The following KPNA4 variants were observed in gnomAD, a reference collection of about 807,000 sequenced individuals.
The protein encoded by KPNA4 is karyopherin subunit alpha 4.
KPNA4 carries 13 observed loss-of-function variants against 71.3 expected under a neutral mutation model. The observed-to-expected ratio is 0.18, with a 90% CI of 0.12 to 0.29. KPNA4 has a LOEUF of 0.29. Ranked by LOEUF, KPNA4 falls within the 10% of genes least tolerant of loss-of-function variation. KPNA4 has a pLI of 1.00. For missense variants in KPNA4, 334 were observed against 603.2 expected (o/e 0.55, Z 4.67); for synonymous variants, 189 against 195.2 (o/e 0.97, Z 0.26).
chr3:160,519,073 T>G lies in KPNA4; in HGVS notation c.903+2706A>C, dbSNP rs978825645. On this transcript the variant is annotated intron_variant, in intron 11 of 16. Coordinates refer to ENST00000334256, the MANE Select transcript of KPNA4 (RefSeq NM_002268.5). ...TTTCTAGGCCCCTTATATTTCCATA[T>G]GGATTTTAAGATCTGTTTGTAAAAT... 2.7e-5 allele frequency among the ~76,000 whole-genome samples: 4 copies of G among 148,400 alleles called. No homozygotes were observed. The East Asian group carries it at 5.8e-4, about 22-fold the overall frequency.
intron 1 of KPNA4, among the ~76,000 whole-genome samples, chr3:160,542,723 T>C (rs1721823496): frequency 6.6e-6 from 1 of 152,090 alleles, no homozygotes; most frequent in African/African-American, 2.4e-5. Context: ...TCTTATCTCT[T>C]TAAGAAGTGA....
In KPNA4 at chr3:160,501,286, A is replaced by C. The variant is rs891244667; in HGVS notation, c.*818T>G. ...GGTAAAGTAAATAAAAACTAAAAAAAAAGAAAAGAAAAGCAAAAAAGAAAA... is the reference window on the plus strand; with the variant it reads ...GGTAAAGTAAATAAAAACTAAAAAACAAGAAAAGAAAAGCAAAAAAGAAAA... On this transcript the variant is annotated 3_prime_UTR_variant, in exon 17 of 17. Transcript: ENST00000334256. 7 of 152,206 alleles carry C rather than the reference A, an allele frequency of 4.6e-5. No homozygotes were observed. Among genetic ancestry groups the C allele is most frequent in the Non-Finnish European group, 1.0e-4 (7 of 67,954 alleles). 9.4% of individuals were successfully genotyped at this position (152,206 alleles called of 1,614,324 possible).
rs533990410 is a variant in KPNA4 at position 160,530,067 on chromosome 3, G to A, written c.469+788C>T. 1.2e-4 allele frequency among the ~76,000 whole-genome samples: 18 copies of A among 150,278 alleles called. No individual in the cohort carries two copies. In the South Asian group the frequency reaches 3.6e-3, roughly 30 times the overall value. On this transcript the variant is annotated intron_variant, in intron 7 of 16. Transcript: ENST00000334256. ...GGAGAATGGCATGAACCCGGGAGGT[G>A]GAGCTTGCAGTGAGCCGAGATCGCA...
chr3:160,544,545 CAGAG>C (rs1465741095), intron 1 of KPNA4, among the ~76,000 whole-genome samples: 1 of 152,148 alleles, frequency 6.6e-6, no homozygotes, highest in Non-Finnish European at 1.5e-5. Context: ...GCATGGGTGA[CAGAG>C]AGAGACTTTG....
intron 1 of KPNA4, among the ~76,000 whole-genome samples, chr3:160,556,396 T>C (rs142983658): frequency 1.3e-5 from 2 of 152,312 alleles, no homozygotes; most frequent in South Asian, 2.1e-4. Context: ...TTTCTTTTTA[T>C]ATACTGCCAT....
At chr3:160,559,352 G>A (rs545994038) in intron 1 of KPNA4, among the ~76,000 whole-genome samples, 1 of 152,270 alleles carries the variant, frequency 6.6e-6, no homozygotes, top group South Asian at 2.1e-4. Flanking sequence ...CTGTGAACCT[G>A]ACAGATTCTC....
At chr3:160,518,465 G>C (rs1467603308) in intron 11 of KPNA4, among the ~76,000 whole-genome samples, 1 of 151,458 alleles carries the variant, frequency 6.6e-6, no homozygotes, top group African/African-American at 2.4e-5. Flanking sequence ...AGTATGAAGT[G>C]GGGTCCAACT....
intron 14 of KPNA4, among the ~76,000 whole-genome samples, chr3:160,508,997 T>C (rs1399014850): frequency 6.6e-6 from 1 of 152,232 alleles, no homozygotes; most frequent in Non-Finnish European, 1.5e-5. Flanking sequence ...CTGCTCTGTA[T>C]TTATGTGAAT....
intron 1 of KPNA4, among the ~76,000 whole-genome samples, chr3:160,552,421 T>C (rs1483206462): frequency 6.6e-6 from 1 of 151,638 alleles, no homozygotes; most frequent in Non-Finnish European, 1.5e-5. Context: ...CCTCCTGTTT[T>C]CTTAAAAAAA....
chr3:160,526,034 T>C lies in KPNA4; in HGVS notation c.630A>G (p.Pro210=), dbSNP rs141709373. ...VVKPLLSFIS[P]SIPITFLRNV... ...TTCTTAAGAATGTTATAGGAATAGATGGACTTATGAAGGAAAGTAAAGGTT... is the reference window on the plus strand; with the variant it reads ...TTCTTAAGAATGTTATAGGAATAGACGGACTTATGAAGGAAAGTAAAGGTT... Residue 210 remains proline (P), a synonymous_variant, in exon 9 of 17, where the codon CCA becomes CCG. Coordinates refer to ENST00000334256, the MANE Select transcript of KPNA4 (RefSeq NM_002268.5). 5 of 1,602,020 alleles carry C rather than the reference T, an allele frequency of 3.1e-6. No individual in the cohort carries two copies. Among genetic ancestry groups the C allele is most frequent in the East Asian group, 2.3e-5 (1 of 44,430 alleles).
At chr3:160,529,533 T>C (rs1231076714) in intron 7 of KPNA4, among the ~76,000 whole-genome samples, 1 of 152,076 alleles carries the variant, frequency 6.6e-6, no homozygotes, top group African/African-American at 2.4e-5. Context: ...ATTATTTGGA[T>C]AACATCTTTG....
At position 160,528,423 on chromosome 3, in the gene KPNA4, C is replaced by T. The variant is rs549377442; in HGVS notation, c.470-384G>A. Among the ~76,000 whole-genome samples, 29 of 151,980 alleles carry T rather than the reference C, an allele frequency of 1.9e-4. No homozygotes were observed. The South Asian group carries it at 3.5e-3, about 19-fold the overall frequency. ...CTCTGTCATCCAGGCTGGAGGGAAGCGGTGGAATCTTGGCTCACTGCAACC... is the reference window on the plus strand; with the variant it reads ...CTCTGTCATCCAGGCTGGAGGGAAGTGGTGGAATCTTGGCTCACTGCAACC... On this transcript the variant is annotated intron_variant, in intron 7 of 16. Coordinates refer to ENST00000334256, the MANE Select transcript of KPNA4 (RefSeq NM_002268.5).
rs771804366 is a variant in KPNA4 at position 160,530,842 on chromosome 3, A to T, written c.469+13T>A. ...AAAAAAATCACAATTATGTTTATTA[A>T]TAACCAACTTACTGGACTGAACTAC... On this transcript the variant is annotated intron_variant, in intron 7 of 16. Transcript: ENST00000334256. 6.3e-7 allele frequency: 1 copy of T among 1,579,162 alleles called. No individual in the cohort carries two copies. The highest frequency in any genetic ancestry group is 1.2e-5 in the South Asian group (1 of 86,232).
chr3:160,559,461 T>C (rs1464286422), intron 1 of KPNA4, among the ~76,000 whole-genome samples: 1 of 152,176 alleles, frequency 6.6e-6, no homozygotes, highest in Non-Finnish European at 1.5e-5. Flanking sequence ...CTCAGTGACA[T>C]AATGTTTTCC....
intron 16 of KPNA4, among the ~76,000 whole-genome samples, chr3:160,504,560 A>C (rs570280949): frequency 3.1e-4 from 47 of 152,186 alleles, no homozygotes; most frequent in Non-Finnish European, 5.6e-4. Flanking sequence ...TTTGGCCATG[A>C]AATAAAAACA....
At chr3:160,532,947 T>C (rs1371760009) in intron 5 of KPNA4, among the ~76,000 whole-genome samples, 3 of 152,208 alleles carry the variant, frequency 2.0e-5, no homozygotes, top group Admixed American at 1.3e-4. Context: ...AAAGTCCATT[T>C]CAAGTTCTAT....
intron 13 of KPNA4, among the ~76,000 whole-genome samples, chr3:160,512,900 G>A (rs1364851661): frequency 2.0e-5 from 3 of 151,982 alleles, no homozygotes; most frequent in Non-Finnish European, 4.4e-5. Context: ...AAAGAATGAC[G>A]GAATTAGAAA....
intron 1 of KPNA4, among the ~76,000 whole-genome samples, chr3:160,560,918 G>C (rs1406773908): frequency 3.9e-5 from 6 of 152,150 alleles, no homozygotes; most frequent in African/African-American, 1.4e-4. Context: ...TTTGTGGTGA[G>C]AGAGATCAGT....
chr3:160,552,087 C>T (rs1419464276), intron 1 of KPNA4, among the ~76,000 whole-genome samples: 1 of 151,938 alleles, frequency 6.6e-6, no homozygotes, highest in African/African-American at 2.4e-5. Flanking sequence ...AAAACCTTTG[C>T]TGTATTCTAA....
Sources: allele counts gnomAD v4.1 joint callset (sites outside exome capture counted in the v4.1 genomes callset), GRCh38; gene constraint gnomAD v4.1.1; transcripts MANE v1.5; gene names NCBI Gene and HGNC (gene_info 2026-07-23, HGNC 2026-07-21).